Variants in BLK observed in about 807,000 individuals in gnomAD.
BLK encodes tyrosine-protein kinase Blk.
BLK carries 64 observed loss-of-function variants against 61.8 expected under a neutral mutation model. The observed-to-expected ratio is 1.03, with a 90% CI of 0.85 to 1.27. BLK has a LOEUF of 1.27. Among genes scored for constraint, BLK ranks in the 50% most tolerant of loss-of-function variants. The pLI is 0.00. For missense variants in BLK, 853 were observed against 660.5 expected (o/e 1.29, Z -3.19); for synonymous variants, 351 against 272.0 (o/e 1.29, Z -2.86).
chr8:11,554,985 T>C, intron 7 of BLK, 96 bp downstream of exon 7: 1 of 1,521,598 alleles, frequency 6.6e-7, no homozygotes, highest in South Asian at 1.2e-5. Context: ...GGTGCCACCT[T>C]GGGGGATGGA....
intron 10 of BLK, chr8:11,560,717 C>G: frequency 2.6e-6 from 1 of 384,862 alleles, no homozygotes; most frequent in Non-Finnish European, 5.3e-6. Context: ...GGTGCCCCCA[C>G]GGGGCAGGCG....
chr8:11,495,228 G>T (rs745942595), intron 1 of BLK, among the ~76,000 whole-genome samples: 1 of 152,172 alleles, frequency 6.6e-6, no homozygotes. Context: ...TTTTGACAAC[G>T]TTTCCATTTA....
chr8:11,529,182 G>A (rs151160705), intron 1 of BLK, among the ~76,000 whole-genome samples: 13 of 152,208 alleles, frequency 8.5e-5, no homozygotes, highest in South Asian at 8.3e-4. Flanking sequence ...CACCTTGCCC[G>A]CTGCCTAGAC....
chr8:11,551,610 G>A (rs1479625723), intron 6 of BLK, among the ~76,000 whole-genome samples: 3 of 152,194 alleles, frequency 2.0e-5, no homozygotes, highest in Admixed American at 6.5e-5. Flanking sequence ...GCCTGTTCAT[G>A]TTCATTGCTA....
chr8:11,535,300 GA>G (rs746752639), intron 1 of BLK, among the ~76,000 whole-genome samples: 5 of 144,322 alleles, frequency 3.5e-5, no homozygotes, highest in African/African-American at 1.3e-4. Context: ...AAGAAAGAAA[GA>G]AAGAAAGAAA....
At chr8:11,531,090 A>T (rs909909523) in intron 1 of BLK, among the ~76,000 whole-genome samples, 3 of 152,146 alleles carry the variant, frequency 2.0e-5, no homozygotes, top group Non-Finnish European at 4.4e-5. Flanking sequence ...TCCCCTAATG[A>T]CTGACGACAC....
chr8:11,559,601 A>G (rs1312942790), intron 10 of BLK, among the ~76,000 whole-genome samples: 1 of 152,140 alleles, frequency 6.6e-6, no homozygotes, highest in Non-Finnish European at 1.5e-5. Context: ...TTCTTACTCC[A>G]TAGGAAGCCA....
chr8:11,540,757 TA>T (rs1800336981), intron 1 of BLK, among the ~76,000 whole-genome samples: 2 of 151,936 alleles, frequency 1.3e-5, no homozygotes, highest in Non-Finnish European at 2.9e-5. Flanking sequence ...AAAGATTTAC[TA>T]TTTGAAAGGG....
intron 10 of BLK, 30 bp downstream of exon 10, chr8:11,558,068 G>A: frequency 6.2e-7 from 1 of 1,608,814 alleles, no homozygotes; most frequent in Non-Finnish European, 8.5e-7. Flanking sequence ...CAGAGAAAGG[G>A]CGGCATGTGC....
At chr8:11,546,241 G>A (rs572835699) in intron 3 of BLK, 138 bp downstream of exon 3, 49 of 1,035,322 alleles carry the variant, frequency 4.7e-5, no homozygotes, top group East Asian at 2.4e-4. Context: ...GAGAGGCCCC[G>A]GCTCTGTGCC....
intron 8 of BLK, chr8:11,555,916 AG>A (rs1260132131): frequency 3.0e-6 from 1 of 328,150 alleles, no homozygotes; most frequent in South Asian, 2.6e-5. Context: ...CTGAAGCTCC[AG>A]GCCTGGTGTC....
At position 11,563,125 on chromosome 8, in the gene BLK, C is replaced by A. The variant is rs759861457; in HGVS notation, c.1312+15C>A. 7.4e-6 allele frequency: 12 copies of A among 1,613,312 alleles called. No individual in the cohort carries two copies. Among genetic ancestry groups the A allele is most frequent in the Non-Finnish European group, 9.3e-6 (11 of 1,179,972 alleles). On this transcript the variant is annotated intron_variant, in intron 12 of 12. Coordinates refer to ENST00000259089, the MANE Select transcript of BLK (RefSeq NM_001715.3). ...GCCATACCCAGGTAGGTGGCTCACCCCGCAGCTCGCGGCTCCCTGCTTTCC... is the reference window on the plus strand; with the variant it reads ...GCCATACCCAGGTAGGTGGCTCACCACGCAGCTCGCGGCTCCCTGCTTTCC...
chr8:11,531,608 G>A (rs568453982), intron 1 of BLK, among the ~76,000 whole-genome samples: 1 of 152,254 alleles, frequency 6.6e-6, no homozygotes, highest in South Asian at 2.1e-4. Flanking sequence ...GAGTCTTCGG[G>A]TCTATAGCTT....
chr8:11,562,032 T>C (rs1217288367), intron 11 of BLK, among the ~76,000 whole-genome samples: 8 of 152,186 alleles, frequency 5.3e-5, no homozygotes, highest in Non-Finnish European at 1.0e-4. Context: ...TTGGCCAGGC[T>C]GGTCTCGAAC....
chr8:11,507,103 C>T (rs1253921153), intron 1 of BLK, among the ~76,000 whole-genome samples: 1 of 152,212 alleles, frequency 6.6e-6, no homozygotes, highest in Admixed American at 6.5e-5. Context: ...CATCACTGAG[C>T]TTGTGACATT....
At chr8:11,503,503 TC>T (rs1480123384) in intron 1 of BLK, among the ~76,000 whole-genome samples, 3 of 152,210 alleles carry the variant, frequency 2.0e-5, no homozygotes, top group Non-Finnish European at 1.5e-5. Flanking sequence ...TCTATTTTTT[TC>T]TGCTCCATCC....
chr8:11,534,170 A>G (rs1467989441), intron 1 of BLK, among the ~76,000 whole-genome samples: 1 of 152,248 alleles, frequency 6.6e-6, no homozygotes, highest in African/African-American at 2.4e-5. Context: ...CTATTGTGCC[A>G]AAGAATCATA....
chr8:11,558,252 G>A (rs1801325270), intron 10 of BLK, among the ~76,000 whole-genome samples: 1 of 152,238 alleles, frequency 6.6e-6, no homozygotes. Flanking sequence ...GCAGCTGTGA[G>A]GGAGCCCAGG....
intron 1 of BLK, among the ~76,000 whole-genome samples, chr8:11,528,337 T>C (rs1480346747): frequency 6.6e-6 from 1 of 152,200 alleles, no homozygotes; most frequent in Non-Finnish European, 1.5e-5. Flanking sequence ...CACTTGATGA[T>C]CATTCTTGCT....
Sources: gnomAD v4.1 joint callset for allele counts (sites outside exome capture counted in the v4.1 genomes callset) on GRCh38, gnomAD v4.1.1 for gene constraint, MANE v1.5 for transcripts, NCBI Gene and HGNC (gene_info 2026-07-23, HGNC 2026-07-21) for gene names.